ABCD3: variants seen among roughly 807,000 people sequenced by gnomAD.
ABCD3 encodes ATP binding cassette subfamily D member 3.
In ABCD3, 41 loss-of-function variants were observed where a neutral mutation model predicts 105.5. The ratio of observed to expected loss-of-function variants is 0.39; its 90% CI spans 0.30 to 0.50. The LOEUF (loss-of-function observed/expected upper bound fraction) is 0.50. Ranked by LOEUF, ABCD3 falls within the 20% of genes least tolerant of loss-of-function variation. The probability of loss-of-function intolerance (pLI) is 0.84; values close to 1 mark genes in which losing one functional copy is unlikely to be tolerated. For missense variants in ABCD3, 622 were observed against 806.3 expected (o/e 0.77, Z 2.77); for synonymous variants, 258 against 269.0 (o/e 0.96, Z 0.40).
chr1:94,418,595 A>C lies in ABCD3; in HGVS notation c.110+7A>C. The C allele has an allele frequency of 6.3e-7, 1 of 1,590,068 alleles. No homozygotes were observed. Among genetic ancestry groups the C allele is most frequent in the East Asian group, 2.3e-5 (1 of 43,824 alleles). On this transcript the variant is annotated splice_region_variant and intron_variant, in intron 1 of 22. Coordinates refer to ENST00000370214, the MANE Select transcript of ABCD3 (RefSeq NM_002858.4). ...GCGCCCTCGGCCTGCACGGGTAAGA[A>C]GGCCCGTAGCCGTGCAGCTTTCCCG... is the stretch of plus-strand genomic sequence containing the variant.
intron 1 of ABCD3, among the ~76,000 whole-genome samples, chr1:94,423,881 A>G (rs1483840242): frequency 6.6e-6 from 1 of 152,002 alleles, no homozygotes; most frequent in Non-Finnish European, 1.5e-5. Flanking sequence ...CCTTCCTTAA[A>G]TCTGCCCCAT....
At chr1:94,469,032 A>C (rs1648309864) in intron 4 of ABCD3, among the ~76,000 whole-genome samples, 1 of 152,238 alleles carries the variant, frequency 6.6e-6, no homozygotes, top group Non-Finnish European at 1.5e-5. Context: ...ATGTAACTTT[A>C]AAAGTAATAC....
the ABCD3 span, among the ~76,000 whole-genome samples, chr1:94,391,049 T>C: frequency 6.6e-6 from 1 of 152,188 alleles, no homozygotes; most frequent in Admixed American, 6.5e-5. Flanking sequence ...TGATAAATAG[T>C]CTTAGATCCT....
At chr1:94,398,238 A>G in the ABCD3 span, among the ~76,000 whole-genome samples, 1 of 152,170 alleles carries the variant, frequency 6.6e-6, no homozygotes, top group Non-Finnish European at 1.5e-5. Flanking sequence ...CTTTGACCCT[A>G]TTCTAGCGCC....
chr1:94,406,340 GT>G, the ABCD3 span: 4,030 of 142,402 alleles, frequency 0.028, 11 homozygotes, highest in Middle Eastern at 0.065. Context: ...ATTTTGTTTT[GT>G]TTTTTTTTTT....
chr1:94,431,306 T>TA (rs1377246735), intron 1 of ABCD3, among the ~76,000 whole-genome samples: 8 of 152,158 alleles, frequency 5.3e-5, no homozygotes, highest in Admixed American at 5.2e-4. Flanking sequence ...TGGCCTGAGA[T>TA]AGGCAGGTAG....
chr1:94,424,977 A>G (rs1185304973), intron 1 of ABCD3, among the ~76,000 whole-genome samples: 1 of 152,226 alleles, frequency 6.6e-6, no homozygotes, highest in Non-Finnish European at 1.5e-5. Context: ...ACAACAACAA[A>G]TGAGATTCTC....
chr1:94,418,416 A>G lies in ABCD3; in HGVS notation c.-63A>G, dbSNP rs773745469. On this transcript the variant is annotated 5_prime_UTR_variant, in exon 1 of 23. Transcript: ENST00000370214. The stretch of plus-strand genomic sequence containing the variant: ...CAGTCTCCCCCGCGCTGCGTGCAGT[A>G]AGGTAGCCGCCGCCGCCGCCGCCGC... 1.3e-4 allele frequency: 169 copies of G among 1,347,912 alleles called. No individual in the cohort carries two copies. The highest frequency in any genetic ancestry group is 1.6e-4 in the Non-Finnish European group (160 of 976,710). 83.5% of individuals were successfully genotyped at this position (1,347,912 alleles called of 1,614,324 possible).
chr1:94,496,511 C>T lies in ABCD3; in HGVS notation c.1387-2091C>T, dbSNP rs370250016. On this transcript the variant is annotated intron_variant, in intron 16 of 22. Coordinates refer to ENST00000370214, the MANE Select transcript of ABCD3 (RefSeq NM_002858.4). ...TGTTTATCCATTCATCCTCTTGGGT[C>T]GCTTCCTTGCTTCCACCTTTTGGCT... Among the ~76,000 whole-genome samples, 398 of 151,516 alleles carry T rather than the reference C, an allele frequency of 2.6e-3. 3 individuals carry two copies. Among genetic ancestry groups the T allele is most frequent in the African/African-American group, 9.2e-3 (381 of 41,274 alleles).
the ABCD3 span, among the ~76,000 whole-genome samples, chr1:94,385,852 C>T: frequency 1.3e-5 from 2 of 151,818 alleles, no homozygotes; most frequent in Non-Finnish European, 1.5e-5. Context: ...CTATATATAG[C>T]AGGTTACCAA....
intron 1 of ABCD3, among the ~76,000 whole-genome samples, chr1:94,455,318 T>C (rs571453327): frequency 1.1e-4 from 16 of 151,272 alleles, no homozygotes; most frequent in South Asian, 6.3e-4. Context: ...AAGAAACTTA[T>C]AAATGAATTT....
chr1:94,445,495 C>T (rs1360778697), intron 1 of ABCD3, among the ~76,000 whole-genome samples: 3 of 152,174 alleles, frequency 2.0e-5, no homozygotes, highest in Admixed American at 6.5e-5. Flanking sequence ...AACCTTTTCA[C>T]ACTGATGTGG....
upstream of ABCD3, among the ~76,000 whole-genome samples, chr1:94,416,310 GC>G (rs1242477564): frequency 6.6e-6 from 1 of 152,132 alleles, no homozygotes; most frequent in Non-Finnish European, 1.5e-5. Context: ...CAAGCCTTAA[GC>G]CTTTATTGAA....
At chr1:94,443,346 G>A (rs1356434771) in intron 1 of ABCD3, among the ~76,000 whole-genome samples, 1 of 151,932 alleles carries the variant, frequency 6.6e-6, no homozygotes, top group Non-Finnish European at 1.5e-5. Context: ...AGTTCCTTGT[G>A]TATTCTGGAT....
intron 1 of ABCD3, among the ~76,000 whole-genome samples, chr1:94,420,948 C>T (rs997938180): frequency 6.6e-6 from 1 of 152,098 alleles, no homozygotes; most frequent in Non-Finnish European, 1.5e-5. Flanking sequence ...AGTAAAATCA[C>T]TTTAAAAGTT....
intron 2 of ABCD3, 83 bp downstream of exon 2, chr1:94,458,726 A>T: frequency 7.2e-7 from 1 of 1,385,332 alleles, no homozygotes. Flanking sequence ...TTAGGATTAA[A>T]TTTTATAATT....
rs767196577 is a variant in ABCD3 at position 94,491,181 on chromosome 1, T to C, written c.1323-3T>C. 1 of 1,608,080 alleles carries C rather than the reference T, an allele frequency of 6.2e-7. No individual in the cohort carries two copies. Among genetic ancestry groups the C allele is most frequent in the South Asian group, 1.1e-5 (1 of 90,796 alleles). ...ATTCTCTTTTTAAAAATTTCCTCTA[T>C]AGGTTTGATCATGTTCCTTTAGCAA... On this transcript the variant is annotated splice_polypyrimidine_tract_variant and splice_region_variant and intron_variant, in intron 15 of 22. Transcript: ENST00000370214.
the ABCD3 span, among the ~76,000 whole-genome samples, chr1:94,385,429 T>C: frequency 6.6e-6 from 1 of 152,026 alleles, no homozygotes; most frequent in Non-Finnish European, 1.5e-5. Context: ...AGCAAAAGTG[T>C]CAAGAGAACA....
chr1:94,453,358 G>A (rs939776337), intron 1 of ABCD3, among the ~76,000 whole-genome samples: 6 of 145,652 alleles, frequency 4.1e-5, no homozygotes, highest in East Asian at 2.0e-4. Context: ...TCTCGCTGTC[G>A]CCCAGGTTGG....
Sources: gnomAD v4.1 joint callset for allele counts (sites outside exome capture counted in the v4.1 genomes callset) on GRCh38, gnomAD v4.1.1 for gene constraint, MANE v1.5 for transcripts, NCBI Gene and HGNC (gene_info 2026-07-23, HGNC 2026-07-21) for gene names.